The following NAA35 variants were observed in gnomAD, a reference collection of about 807,000 sequenced individuals.
NAA35 encodes MAK10 homolog, amino-acid N-acetyltransferase subunit.
In NAA35, 18 loss-of-function variants were observed where a neutral mutation model predicts 101.7. The observed-to-expected ratio is 0.18, with a 90% CI of 0.12 to 0.26. The LOEUF is 0.26. Ranked by LOEUF, NAA35 falls within the 10% of genes least tolerant of loss-of-function variation. The pLI is 1.00. For synonymous variants in NAA35, 267 were observed against 273.1 expected, an observed-to-expected ratio of 0.98 and a Z score of 0.22; for missense variants, 601 against 886.8, an observed-to-expected ratio of 0.68 and a Z score of 4.09.
Position 85,977,388 on chromosome 9 carries a change from G to T in NAA35, c.704G>T (p.Ser235Ile), listed in dbSNP as rs201019890. Reference protein sequence around the residue: ...LEHQQCLAVFSRVKFTRVLLT... With the variant: ...LEHQQCLAVFIRVKFTRVLLT... ...CACCAACAATGTTTAGCAGTATTCA[G>T]CAGAGTGAAATTTACTCGTGTGTTA... Residue 235 changes from serine (S) to isoleucine (I), a missense_variant, in exon 10 of 23, where the codon AGC becomes ATC. Transcript: ENST00000361671. 1.5e-5 allele frequency: 24 copies of T among 1,612,294 alleles called. No individual in the cohort carries two copies. The highest frequency in any genetic ancestry group is 2.0e-5 in the Non-Finnish European group (24 of 1,178,762).
chr9:86,007,492 G>T (rs915032880), intron 14 of NAA35, 28 bp downstream of exon 14: 2 of 1,558,172 alleles, frequency 1.3e-6, no homozygotes, highest in African/African-American at 2.7e-5. Flanking sequence ...TTTTAGAGTT[G>T]TATGTATGTG....
Position 85,977,369 on chromosome 9 carries a change from CAAT to C in NAA35, c.686_688del (p.Gln229_Cys230delinsArg). On this transcript the variant is annotated inframe_deletion, in exon 10 of 23. Transcript: ENST00000361671. ...TCCTTTCTTGTTTTTTTAGCACCAA[CAAT>C]GTTTAGCAGTATTCAGCAGAGTGAA... The C allele has an allele frequency of 6.2e-7, 1 of 1,610,698 alleles. No individual in the cohort carries two copies. Among genetic ancestry groups the C allele is most frequent in the Non-Finnish European group, 8.5e-7 (1 of 1,177,442 alleles).
chr9:85,966,391 C>T (rs1158433665), intron 6 of NAA35, among the ~76,000 whole-genome samples: 3 of 152,000 alleles, frequency 2.0e-5, no homozygotes, highest in Non-Finnish European at 4.4e-5. Context: ...GAATTATGAT[C>T]GTGTTCAAAT....
chr9:85,954,841 A>G (rs1205725303), intron 2 of NAA35, among the ~76,000 whole-genome samples: 3 of 152,172 alleles, frequency 2.0e-5, no homozygotes, highest in Non-Finnish European at 4.4e-5. Context: ...TTAACATGGC[A>G]AGTTCCTGGG....
chr9:85,997,176 G>A (rs2118268485), intron 12 of NAA35, among the ~76,000 whole-genome samples: 1 of 151,722 alleles, frequency 6.6e-6, no homozygotes, highest in African/African-American at 2.4e-5. Flanking sequence ...TACCCAGGCT[G>A]GTGTTGAACT....
At chr9:85,980,866 A>G (rs1388547661) in intron 11 of NAA35, among the ~76,000 whole-genome samples, 1 of 152,138 alleles carries the variant, frequency 6.6e-6, no homozygotes, top group African/African-American at 2.4e-5. Flanking sequence ...ATTCCAGTAG[A>G]GAGGAAGAGA....
At chr9:85,989,293 A>G (rs1830791436) in intron 11 of NAA35, among the ~76,000 whole-genome samples, 1 of 151,970 alleles carries the variant, frequency 6.6e-6, no homozygotes, top group Non-Finnish European at 1.5e-5. Context: ...CAACATGGGG[A>G]AACCCTGTCT....
Position 86,023,384 on chromosome 9 carries a change from A to G in NAA35, c.*1424A>G, listed in dbSNP as rs926047027. Reference sequence around the variant, plus strand: ...TAATTACTGAATGCTTTAAACAAAAAAAGGCAAAGGAATGGTAGGAAATAG... The same window carrying G: ...TAATTACTGAATGCTTTAAACAAAAGAAGGCAAAGGAATGGTAGGAAATAG... On this transcript the variant is annotated 3_prime_UTR_variant, in exon 23 of 23. Coordinates refer to ENST00000361671, the MANE Select transcript of NAA35 (RefSeq NM_024635.4). Among the ~76,000 whole-genome samples, 2 of 152,328 alleles carry G rather than the reference A, an allele frequency of 1.3e-5. No homozygotes were observed. Among genetic ancestry groups the G allele is most frequent in the African/African-American group, 4.8e-5 (2 of 41,582 alleles).
At chr9:85,951,989 A>G (rs1350732011) in intron 2 of NAA35, among the ~76,000 whole-genome samples, 1 of 152,196 alleles carries the variant, frequency 6.6e-6, no homozygotes, top group East Asian at 1.9e-4. Flanking sequence ...AACACGTTTC[A>G]TTATACAATA....
intron 6 of NAA35, among the ~76,000 whole-genome samples, chr9:85,969,510 T>C (rs1829906879): frequency 6.6e-6 from 1 of 152,210 alleles, no homozygotes; most frequent in South Asian, 2.1e-4. Flanking sequence ...CTTTGCATAA[T>C]GAATTTACCC....
chr9:85,997,644 A>G lies in NAA35; in HGVS notation c.1056+1067A>G, dbSNP rs141919110. On this transcript the variant is annotated intron_variant, in intron 12 of 22. Transcript: ENST00000361671. ...AAGTGTGAGTCACTGCACCCGGTCAATTTTTAAATTTTTATTTATTGTGGA... is the reference window on the plus strand; with the variant it reads ...AAGTGTGAGTCACTGCACCCGGTCAGTTTTTAAATTTTTATTTATTGTGGA... 3.3e-5 allele frequency among the ~76,000 whole-genome samples: 5 copies of G among 151,872 alleles called. No individual in the cohort carries two copies. The East Asian group carries it at 7.8e-4, about 24-fold the overall frequency.
At chr9:85,941,437 T>C in intron 1 of NAA35, 164 bp downstream of exon 1, 1 of 985,342 alleles carries the variant, frequency 1.0e-6, no homozygotes, top group Non-Finnish European at 1.2e-6. Context: ...GTGCCCGCTG[T>C]CGGCCGAGGC....
intron 2 of NAA35, among the ~76,000 whole-genome samples, chr9:85,949,313 A>G (rs1291269914): frequency 7.7e-6 from 1 of 129,884 alleles, no homozygotes; most frequent in Non-Finnish European, 1.6e-5. Flanking sequence ...TTTTTTTTTG[A>G]GACAGAGTTT....
intron 12 of NAA35, among the ~76,000 whole-genome samples, chr9:85,997,584 C>T (rs1463272633): frequency 6.6e-6 from 1 of 152,150 alleles, no homozygotes; most frequent in Non-Finnish European, 1.5e-5. Flanking sequence ...CTCAAGCGAT[C>T]CACCTGCTTT....
rs986501796 is a variant in NAA35 at position 86,022,218 on chromosome 9, T to G, written c.*258T>G. The G allele has an allele frequency of 3.3e-6, 1 of 306,400 alleles. No homozygotes were observed. The highest frequency in any genetic ancestry group is 2.2e-5 in the African/African-American group (1 of 45,582). The allele number at this position is 306,400 out of a possible 1,614,324, so 19.0% of individuals were successfully genotyped here. On this transcript the variant is annotated 3_prime_UTR_variant, in exon 23 of 23. Coordinates refer to ENST00000361671, the MANE Select transcript of NAA35 (RefSeq NM_024635.4). ...AACGTTATATGGTTTTATTACAGATTTAATCACAAATCATTTTTTATGAAT... is the reference window on the plus strand; with the variant it reads ...AACGTTATATGGTTTTATTACAGATGTAATCACAAATCATTTTTTATGAAT...
At chr9:85,975,947 A>G (rs1229976144) in intron 8 of NAA35, among the ~76,000 whole-genome samples, 1 of 152,140 alleles carries the variant, frequency 6.6e-6, no homozygotes, top group Non-Finnish European at 1.5e-5. Context: ...GAGATGGGGG[A>G]AAAGTTATAT....
chr9:85,963,365 G>A (rs1564292989), intron 6 of NAA35, among the ~76,000 whole-genome samples: 1 of 150,294 alleles, frequency 6.7e-6, no homozygotes, highest in East Asian at 2.0e-4. Flanking sequence ...CCATCTCCCG[G>A]GTTCAAGCTA....
chr9:86,004,262 G>A (rs2118341697), intron 13 of NAA35, among the ~76,000 whole-genome samples: 1 of 152,218 alleles, frequency 6.6e-6, no homozygotes, highest in Middle Eastern at 3.4e-3. Flanking sequence ...ACACCATCAT[G>A]CCTAGCTAAT....
intron 5 of NAA35, 48 bp downstream of exon 5, chr9:85,959,915 C>G: frequency 7.3e-7 from 1 of 1,371,788 alleles, no homozygotes; most frequent in Non-Finnish European, 1.0e-6. Flanking sequence ...CTGTGACTTA[C>G]CTGAATCTTG....
Sources: gnomAD v4.1 joint callset for allele counts (sites outside exome capture counted in the v4.1 genomes callset) on GRCh38, gnomAD v4.1.1 for gene constraint, MANE v1.5 for transcripts, NCBI Gene and HGNC (gene_info 2026-07-23, HGNC 2026-07-21) for gene names.